Variants in GRIK3 observed in about 807,000 individuals in gnomAD.
GRIK3 encodes the protein glutamate receptor ionotropic, kainate 3.
A neutral mutation model predicts 102.5 loss-of-function variants in GRIK3; 29 were observed. The observed-to-expected ratio is 0.28, with a 90% CI of 0.21 to 0.39. The LOEUF is 0.39. Ranked by LOEUF, GRIK3 falls within the 10% of genes least tolerant of loss-of-function variation. GRIK3 has a pLI of 1.00. For missense variants in GRIK3, 908 were observed against 1,252.4 expected (o/e 0.73, Z 4.15); for synonymous variants, 511 against 504.9 (o/e 1.01, Z -0.16).
intron 1 of GRIK3, among the ~76,000 whole-genome samples, chr1:36,955,124 G>A (rs1025035109): frequency 2.0e-5 from 3 of 152,222 alleles, no homozygotes; most frequent in Admixed American, 2.0e-4. Flanking sequence ...ACCCCAGAGT[G>A]GGTCCTGAGC....
chr1:36,976,882 C>T (rs1257582646), intron 1 of GRIK3, among the ~76,000 whole-genome samples: 1 of 152,176 alleles, frequency 6.6e-6, no homozygotes, highest in Non-Finnish European at 1.5e-5. Flanking sequence ...ACACATCCCT[C>T]TGCCAAAAAG....
intron 1 of GRIK3, among the ~76,000 whole-genome samples, chr1:36,968,217 CTCCGTGTGT>C (rs1642100210): frequency 7.3e-6 from 1 of 136,796 alleles, no homozygotes; most frequent in Non-Finnish European, 1.5e-5. Flanking sequence ...CACTCTCTCT[CTCCGTGTGT>C]GTGTGTGTGT....
chr1:36,881,246 G>A (rs1050390538), intron 2 of GRIK3, among the ~76,000 whole-genome samples: 2 of 152,100 alleles, frequency 1.3e-5, no homozygotes, highest in Non-Finnish European at 2.9e-5. Flanking sequence ...GTTCTTGGGG[G>A]ACTTGAGAAA....
intron 1 of GRIK3, among the ~76,000 whole-genome samples, chr1:36,994,300 A>G (rs1220849457): frequency 6.6e-6 from 1 of 152,220 alleles, no homozygotes; most frequent in Non-Finnish European, 1.5e-5. Context: ...AACTCTTCTA[A>G]AGAGCTTCAC....
intron 1 of GRIK3, among the ~76,000 whole-genome samples, chr1:37,010,517 T>A (rs952804591): frequency 1.3e-5 from 2 of 152,118 alleles, no homozygotes; most frequent in Non-Finnish European, 2.9e-5. Context: ...GTAACAGCTG[T>A]GCTACAATGA....
Position 36,850,639 on chromosome 1 carries a change from G to A in GRIK3, c.1213-215C>T, listed in dbSNP as rs1257817192. On this transcript the variant is annotated intron_variant, in intron 8 of 15. Coordinates refer to ENST00000373091, the MANE Select transcript of GRIK3 (RefSeq NM_000831.4). The surrounding 1 kb of genome is among the most constrained non-coding windows in gnomAD (Gnocchi z 4.0). ...CTCCTGACGAGGGTCCCAGGGTGTC[G>A]AATCTCTGAATTCTGCCACCTCCCT... Among the ~76,000 whole-genome samples the A allele has an allele frequency of 2.0e-5, 3 of 152,154 alleles. No homozygotes were observed. The highest frequency in any genetic ancestry group is 2.9e-5 in the Non-Finnish European group (2 of 68,034).
At chr1:36,907,398 T>C (rs1641295514) in intron 1 of GRIK3, among the ~76,000 whole-genome samples, 1 of 152,160 alleles carries the variant, frequency 6.6e-6, no homozygotes, top group African/African-American at 2.4e-5. Flanking sequence ...GAGGGGGCCA[T>C]GCATTTTTCA....
intron 10 of GRIK3, among the ~76,000 whole-genome samples, chr1:36,834,753 C>A (rs1191711325): frequency 2.6e-5 from 4 of 152,220 alleles, no homozygotes; most frequent in Middle Eastern, 3.2e-3. Flanking sequence ...GTCCCCACCC[C>A]CTGCATGTCC....
intron 1 of GRIK3, among the ~76,000 whole-genome samples, chr1:37,025,848 C>T (rs1010865946): frequency 1.3e-5 from 2 of 152,210 alleles, no homozygotes; most frequent in Admixed American, 6.5e-5. Flanking sequence ...GCTCTGCTAT[C>T]CTTAACTACC....
chr1:36,838,544 T>C (rs1195937814), intron 10 of GRIK3, among the ~76,000 whole-genome samples: 2 of 152,086 alleles, frequency 1.3e-5, no homozygotes, highest in East Asian at 3.9e-4. Context: ...AGGCGATGCA[T>C]CCTCTAGCCA....
chr1:36,999,136 C>T (rs371345644), intron 1 of GRIK3, among the ~76,000 whole-genome samples: 26 of 151,866 alleles, frequency 1.7e-4, no homozygotes, highest in African/African-American at 5.8e-4. Flanking sequence ...AAGTGCCCAA[C>T]GTTGGAGCTC....
At chr1:36,949,240 C>G (rs1185564189) in intron 1 of GRIK3, among the ~76,000 whole-genome samples, 1 of 152,186 alleles carries the variant, frequency 6.6e-6, no homozygotes, top group Non-Finnish European at 1.5e-5. Context: ...CCAGACTGAA[C>G]CTTGACCTTA....
At chr1:36,862,532 G>A (rs543062047) in intron 5 of GRIK3, among the ~76,000 whole-genome samples, 17 of 152,276 alleles carry the variant, frequency 1.1e-4, no homozygotes, top group South Asian at 1.0e-3. Flanking sequence ...GCCACTAAGC[G>A]ATTACTCGTG....
At chr1:36,912,701 C>T (rs1171947342) in intron 1 of GRIK3, among the ~76,000 whole-genome samples, 2 of 152,096 alleles carry the variant, frequency 1.3e-5, no homozygotes, top group Admixed American at 6.5e-5. Context: ...GCCCCACTCT[C>T]CCCCTTCTCC....
intron 1 of GRIK3, among the ~76,000 whole-genome samples, chr1:36,984,809 G>T (rs749691183): frequency 2.0e-5 from 3 of 152,220 alleles, no homozygotes; most frequent in Non-Finnish European, 4.4e-5. Context: ...GGCCAGAAGG[G>T]CTGCAGTGAA....
chr1:36,936,363 A>G (rs895710313), intron 1 of GRIK3, among the ~76,000 whole-genome samples: 1 of 152,222 alleles, frequency 6.6e-6, no homozygotes, highest in East Asian at 1.9e-4. Context: ...TTTTCCAAAG[A>G]TGGAGTCTAG....
At chr1:36,921,539 C>T (rs566822603) in intron 1 of GRIK3, among the ~76,000 whole-genome samples, 110 of 152,112 alleles carry the variant, frequency 7.2e-4, no homozygotes, top group Non-Finnish European at 1.5e-3. Context: ...TCAGAGATAG[C>T]GGGGTACGTA....
intron 9 of GRIK3, 115 bp from the exon 10 acceptor site, chr1:36,842,054 G>T: frequency 3.5e-6 from 3 of 868,086 alleles, no homozygotes; most frequent in Non-Finnish European, 1.9e-6. Context: ...ACCCCTTGGA[G>T]TGGCTTAGAC....
At chr1:36,972,628 G>A (rs1464631470) in intron 1 of GRIK3, among the ~76,000 whole-genome samples, 2 of 152,038 alleles carry the variant, frequency 1.3e-5, no homozygotes, top group East Asian at 1.9e-4. Flanking sequence ...AGTGTAGGGC[G>A]CTAGGAAAGA....
Sources: allele counts gnomAD v4.1 joint callset (sites outside exome capture counted in the v4.1 genomes callset), GRCh38; gene constraint gnomAD v4.1.1; non-coding constraint Gnocchi (gnomAD v3.1); transcripts MANE v1.5; gene names NCBI Gene and HGNC (gene_info 2026-07-23, HGNC 2026-07-21).